AGTPBP1: variants seen among roughly 807,000 people sequenced by gnomAD.
AGTPBP1 encodes the protein cytosolic carboxypeptidase 1.
A neutral mutation model predicts 143.9 loss-of-function variants in AGTPBP1; 70 were observed. The ratio of observed to expected loss-of-function variants is 0.49; its 90% confidence interval spans 0.40 to 0.59. The LOEUF is 0.59. Ranked by LOEUF, AGTPBP1 falls within the 20% of genes least tolerant of loss-of-function variation. AGTPBP1 has a pLI of 0.00. For missense variants in AGTPBP1, 1,229 were observed against 1,464.5 expected (o/e 0.84, Z 2.62); for synonymous variants, 463 against 500.2 (o/e 0.93, Z 0.99).
chr9:85,665,270 T>G (rs1834066095), intron 8 of AGTPBP1, among the ~76,000 whole-genome samples: 1 of 150,582 alleles, frequency 6.6e-6, no homozygotes, highest in Non-Finnish European at 1.5e-5. Context: ...AAGGGGAGAG[T>G]GCCATGTGAT....
chr9:85,773,503 T>A, the AGTPBP1 span, among the ~76,000 whole-genome samples: 10 of 150,832 alleles, frequency 6.6e-5, no homozygotes, highest in Non-Finnish European at 1.2e-4. Context: ...CCAGCTAATT[T>A]TATATATATT....
rs993919804 is a variant in AGTPBP1 at position 85,627,002 on chromosome 9, G to A, written c.2015+5660C>T. On this transcript the variant is annotated intron_variant, in intron 14 of 25. Transcript: ENST00000357081. ...CCGCAGTATGCCAACCCTAACCTAG[G>A]TGAATGACTACCAAACTTTTTTAAT... Among the ~76,000 whole-genome samples, 4 of 152,102 alleles carry A rather than the reference G, an allele frequency of 2.6e-5. No homozygotes were observed. The South Asian group carries it at 8.3e-4, about 32-fold the overall frequency.
the AGTPBP1 span, among the ~76,000 whole-genome samples, chr9:85,756,986 T>G: frequency 6.7e-6 from 1 of 149,564 alleles, no homozygotes; most frequent in Non-Finnish European, 1.5e-5. Context: ...TACTAATAGG[T>G]GTGGGGTTTC....
chr9:85,736,277 G>A (rs1823761482), intron 1 of AGTPBP1, among the ~76,000 whole-genome samples: 1 of 151,968 alleles, frequency 6.6e-6, no homozygotes, highest in Non-Finnish European at 1.5e-5. Flanking sequence ...ACTTAATTTT[G>A]TATGTTAAAA....
At chr9:85,646,193 C>A (rs1006440061) in intron 12 of AGTPBP1, 128 bp downstream of exon 12, 2 of 640,344 alleles carry the variant, frequency 3.1e-6, no homozygotes, top group Non-Finnish European at 5.4e-6. Flanking sequence ...ATTGCATAGT[C>A]ATTCATGGTA....
At position 85,741,848 on chromosome 9, in the gene AGTPBP1, TC is replaced by T; in HGVS notation, c.-108del. ...GGCTCAGCACCTGGATCACGGCGGATCCCTCGCCGCCCGCCGCCCGGTGTTT... is the reference window on the plus strand; with the variant it reads ...GGCTCAGCACCTGGATCACGGCGGATCCTCGCCGCCCGCCGCCCGGTGTTT... On this transcript the variant is annotated 5_prime_UTR_variant, in exon 1 of 26. The change creates a premature stop within an existing upstream ORF in the 5' untranslated region. Transcript: ENST00000357081. The T allele has an allele frequency of 1.4e-6, 2 of 1,399,716 alleles. No homozygotes were observed. Among genetic ancestry groups the T allele is most frequent in the Admixed American group, 3.0e-5 (1 of 33,374 alleles). 86.7% of individuals were successfully genotyped at this position (1,399,716 alleles called of 1,614,324 possible). A position where few individuals can be genotyped will look rare whatever the true frequency, so the allele number is the denominator to read the frequency against.
At chr9:85,580,022 G>A (rs1021768179) in intron 23 of AGTPBP1, among the ~76,000 whole-genome samples, 2 of 151,884 alleles carry the variant, frequency 1.3e-5, no homozygotes, top group Non-Finnish European at 2.9e-5. Flanking sequence ...TGGATCATGA[G>A]GTCAGGAGTT....
chr9:85,684,064 T>A (rs1341554408), intron 3 of AGTPBP1, among the ~76,000 whole-genome samples: 1 of 151,790 alleles, frequency 6.6e-6, no homozygotes, highest in Non-Finnish European at 1.5e-5. Flanking sequence ...AATTAATGAA[T>A]TCCAACCTCA....
At chr9:85,635,470 A>G (rs964676587) in intron 13 of AGTPBP1, among the ~76,000 whole-genome samples, 1 of 152,236 alleles carries the variant, frequency 6.6e-6, no homozygotes, top group African/African-American at 2.4e-5. Context: ...GAAACATGGT[A>G]GGCTAAGTAT....
chr9:85,582,062 T>A (rs1292581319), intron 23 of AGTPBP1, among the ~76,000 whole-genome samples: 1 of 152,236 alleles, frequency 6.6e-6, no homozygotes, highest in Admixed American at 6.5e-5. Flanking sequence ...GTAAACCTTT[T>A]ATTTTAAGCT....
chr9:85,626,037 A>G (rs1157479508), intron 14 of AGTPBP1, among the ~76,000 whole-genome samples: 1 of 139,488 alleles, frequency 7.2e-6, no homozygotes, highest in Non-Finnish European at 1.5e-5. Context: ...TATGGACTAT[A>G]AAAACAAAAA....
the AGTPBP1 span, among the ~76,000 whole-genome samples, chr9:85,765,710 A>G: frequency 6.6e-6 from 1 of 152,154 alleles, no homozygotes; most frequent in Non-Finnish European, 1.5e-5. Context: ...AAACCAAGGG[A>G]AAATTGCTAA....
Position 85,632,730 on chromosome 9 carries a change from G to A in AGTPBP1, c.1947C>T (p.Pro649=), listed in dbSNP as rs376158351. ...GAGGCGGAATGTGACCAAAATAATC[G>A]GGATAAGCCACCTCTGAATATTCTG... ...SVPEYSEVAY[P]DYFGHIPPPF... The change falls in exon 14 of 26, where the codon CCC becomes CCT. Residue 649 remains proline, a synonymous_variant. Transcript: ENST00000357081. The A allele has an allele frequency of 3.4e-5, 55 of 1,613,824 alleles. No individual in the cohort carries two copies. The Admixed American group carries it at 3.8e-4, about 11-fold the overall frequency.
intron 1 of AGTPBP1, among the ~76,000 whole-genome samples, chr9:85,738,286 C>T (rs1190575668): frequency 6.6e-6 from 1 of 151,360 alleles, no homozygotes; most frequent in Non-Finnish European, 1.5e-5. Flanking sequence ...TATTAGATCC[C>T]TGCAAACCAA....
At chr9:85,640,319 G>A (rs369043315) in intron 13 of AGTPBP1, among the ~76,000 whole-genome samples, 84 of 152,018 alleles carry the variant, frequency 5.5e-4, no homozygotes, top group African/African-American at 1.9e-3. Flanking sequence ...TAATCAAGTG[G>A]CAACACAATT....
chr9:85,689,567 T>C (rs545971647), intron 3 of AGTPBP1, among the ~76,000 whole-genome samples: 3 of 152,158 alleles, frequency 2.0e-5, no homozygotes, highest in Admixed American at 1.3e-4. Flanking sequence ...AATATCTCTA[T>C]ACTCTCTCTA....
At chr9:85,626,934 A>G (rs1831335959) in intron 14 of AGTPBP1, among the ~76,000 whole-genome samples, 2 of 152,232 alleles carry the variant, frequency 1.3e-5, no homozygotes, top group African/African-American at 4.8e-5. Flanking sequence ...GCTGAACATA[A>G]CCAGGCAGAT....
chr9:85,595,446 C>G (rs1202981299), intron 18 of AGTPBP1, among the ~76,000 whole-genome samples: 3 of 152,164 alleles, frequency 2.0e-5, no homozygotes, highest in Non-Finnish European at 4.4e-5. Context: ...CATGAGAATC[C>G]TCGAGTACTT....
chr9:85,608,854 C>T (rs962050645), intron 17 of AGTPBP1, among the ~76,000 whole-genome samples: 1 of 151,688 alleles, frequency 6.6e-6, no homozygotes, highest in Non-Finnish European at 1.5e-5. Context: ...AGGGAACCCA[C>T]GCAGGAGGAT....
Sources: gnomAD v4.1 joint callset for allele counts (sites outside exome capture counted in the v4.1 genomes callset) on GRCh38, gnomAD v4.1.1 for gene constraint, MANE v1.5 for transcripts, NCBI Gene and HGNC (gene_info 2026-07-23, HGNC 2026-07-21) for gene names.